Variants in CSMD1 observed in about 807,000 individuals in gnomAD.
CSMD1 encodes CUB and Sushi multiple domains 1.
Under a neutral mutation model 417.5 loss-of-function variants are expected in CSMD1, and 213 were observed. The ratio of observed to expected loss-of-function variants is 0.51; its 90% confidence interval spans 0.46 to 0.57. The LOEUF is 0.57. Ranked by LOEUF, CSMD1 falls within the 20% of genes least tolerant of loss-of-function variation. CSMD1 has a pLI of 0.00. For missense variants in CSMD1, 6,923 were observed against 4,529.7 expected (o/e 1.53, Z -15.17); for synonymous variants, 2,862 against 1,736.8 (o/e 1.65, Z -16.11).
intron 52 of CSMD1, among the ~76,000 whole-genome samples, chr8:3,001,045 T>A (rs1470959089): frequency 1.3e-5 from 2 of 151,898 alleles, no homozygotes; most frequent in Non-Finnish European, 2.9e-5. Flanking sequence ...AGTGGCACCA[T>A]CACGGCTCAC....
intron 1 of CSMD1, among the ~76,000 whole-genome samples, chr8:4,991,067 G>A (rs576732759): frequency 5.8e-4 from 89 of 152,256 alleles, no homozygotes; most frequent in Non-Finnish European, 8.5e-4. Flanking sequence ...TTCTGGGTAA[G>A]TAATTGTCTG....
intron 2 of CSMD1, among the ~76,000 whole-genome samples, chr8:4,424,972 A>G (rs1797461587): frequency 6.6e-6 from 1 of 152,130 alleles, no homozygotes; most frequent in South Asian, 2.1e-4. Flanking sequence ...TAAGATTAAA[A>G]TAATCTAGTA....
chr8:3,833,785 T>G (rs538111673), intron 5 of CSMD1, among the ~76,000 whole-genome samples: 1 of 152,124 alleles, frequency 6.6e-6, no homozygotes, highest in Non-Finnish European at 1.5e-5. Context: ...CTTGGTAAAC[T>G]TGGAAAAGAG....
intron 5 of CSMD1, among the ~76,000 whole-genome samples, chr8:3,985,709 G>A (rs571925306): frequency 1.3e-5 from 2 of 151,504 alleles, no homozygotes; most frequent in Admixed American, 1.3e-4. Flanking sequence ...GTAACAACTT[G>A]ATTCAAGAAG....
chr8:3,582,735 T>A (rs1368972294), intron 9 of CSMD1, among the ~76,000 whole-genome samples: 1 of 152,220 alleles, frequency 6.6e-6, no homozygotes, highest in Non-Finnish European at 1.5e-5. Flanking sequence ...ATCATATTTG[T>A]ATTAACTATA....
At chr8:4,948,474 T>C (rs1808516383) in intron 1 of CSMD1, among the ~76,000 whole-genome samples, 1 of 152,066 alleles carries the variant, frequency 6.6e-6, no homozygotes, top group South Asian at 2.1e-4. Flanking sequence ...AATCTTGATG[T>C]CTGCATTTAT....
chr8:3,136,156 G>C (rs1441048354), intron 41 of CSMD1, among the ~76,000 whole-genome samples: 1 of 151,996 alleles, frequency 6.6e-6, no homozygotes, highest in South Asian at 2.1e-4. Flanking sequence ...GTCCGGGTTA[G>C]TCCTAGAATA....
intron 3 of CSMD1, among the ~76,000 whole-genome samples, chr8:4,135,760 A>C (rs1803391138): frequency 6.6e-6 from 1 of 152,236 alleles, no homozygotes; most frequent in Admixed American, 6.5e-5. Context: ...TGTGTAAACT[A>C]GAAAGAGAAA....
chr8:4,390,722 C>A (rs891535712), intron 3 of CSMD1, among the ~76,000 whole-genome samples: 1 of 151,774 alleles, frequency 6.6e-6, no homozygotes, highest in Non-Finnish European at 1.5e-5. Flanking sequence ...ACCATGTTAG[C>A]CAGGATGGTC....
intron 5 of CSMD1, among the ~76,000 whole-genome samples, chr8:3,903,056 G>C (rs576474771): frequency 6.6e-6 from 1 of 152,136 alleles, no homozygotes; most frequent in Non-Finnish European, 1.5e-5. Flanking sequence ...TGACCACCTG[G>C]ATTGGATAAC....
intron 9 of CSMD1, among the ~76,000 whole-genome samples, chr8:3,575,445 T>C (rs1298889144): frequency 6.6e-6 from 1 of 152,168 alleles, no homozygotes; most frequent in Admixed American, 6.5e-5. Flanking sequence ...CACACCTAAT[T>C]GTGTGCGACT....
At chr8:4,312,014 A>G (rs1426519680) in intron 3 of CSMD1, among the ~76,000 whole-genome samples, 1 of 152,200 alleles carries the variant, frequency 6.6e-6, no homozygotes, top group Non-Finnish European at 1.5e-5. Flanking sequence ...ATGCATTGCT[A>G]TGAAATTATT....
At chr8:4,725,319 G>C (rs751516050) in intron 1 of CSMD1, among the ~76,000 whole-genome samples, 1 of 152,082 alleles carries the variant, frequency 6.6e-6, no homozygotes, top group Non-Finnish European at 1.5e-5. Context: ...TTCCTAATTA[G>C]CATTATCAGC....
At chr8:3,544,880 T>C (rs79246624) in intron 10 of CSMD1, among the ~76,000 whole-genome samples, 6,429 of 152,258 alleles carry the variant, frequency 0.042, 187 homozygotes, top group Non-Finnish European at 0.06. Flanking sequence ...AAAATGTCAA[T>C]ATGGTTATTT....
chr8:4,357,994 C>G (rs1021963837), intron 3 of CSMD1, among the ~76,000 whole-genome samples: 14 of 152,096 alleles, frequency 9.2e-5, no homozygotes, highest in African/African-American at 3.1e-4. Context: ...TAATAAACAT[C>G]TCCCTCCCCT....
intron 37 of CSMD1, among the ~76,000 whole-genome samples, chr8:3,165,421 T>A: frequency 6.6e-6 from 1 of 151,950 alleles, no homozygotes; most frequent in Non-Finnish European, 1.5e-5. Flanking sequence ...ATTTTTATTT[T>A]TTATTTATTT....
intron 50 of CSMD1, among the ~76,000 whole-genome samples, chr8:3,048,017 C>T (rs940480537): frequency 1.3e-5 from 2 of 152,064 alleles, no homozygotes; most frequent in African/African-American, 2.4e-5. Flanking sequence ...GGCACATGTG[C>T]GAGAAATCCT....
chr8:3,290,020 G>T lies in CSMD1; in HGVS notation c.3951-5674C>A, dbSNP rs560753069. ...ATTTTTGTGTAAGGTGTAAGGAAGGGATCCAGTTTCAGCTTTCTACATATG... is the reference window on the plus strand; with the variant it reads ...ATTTTTGTGTAAGGTGTAAGGAAGGTATCCAGTTTCAGCTTTCTACATATG... On this transcript the variant is annotated intron_variant, in intron 25 of 69. Coordinates refer to ENST00000635120, the MANE Select transcript of CSMD1 (RefSeq NM_033225.6). Among the ~76,000 whole-genome samples, 5 of 146,996 alleles carry T rather than the reference G, an allele frequency of 3.4e-5. No individual in the cohort carries two copies. The South Asian group carries it at 8.3e-4, about 24-fold the overall frequency.
At chr8:4,714,916 G>A (rs892802270) in intron 1 of CSMD1, among the ~76,000 whole-genome samples, 1 of 152,172 alleles carries the variant, frequency 6.6e-6, no homozygotes, top group African/African-American at 2.4e-5. Flanking sequence ...ATGATCCATA[G>A]CAGACTTTTT....
Sources: allele counts gnomAD v4.1 joint callset (sites outside exome capture counted in the v4.1 genomes callset), GRCh38; gene constraint gnomAD v4.1.1; transcripts MANE v1.5; gene names NCBI Gene and HGNC (gene_info 2026-07-23, HGNC 2026-07-21).